The following SERPINB6 variants were observed in gnomAD, a reference collection of about 807,000 sequenced individuals.
SERPINB6 encodes the protein serpin family B member 6.
SERPINB6 carries 16 observed loss-of-function variants against 26.1 expected under a neutral mutation model. That is an observed-to-expected ratio of 0.61 (90% confidence interval 0.42 to 0.93). The LOEUF is 0.93. Among genes scored for constraint, SERPINB6 ranks in the 40% least tolerant of loss-of-function variants. The pLI, the probability that SERPINB6 is intolerant of heterozygous loss-of-function variation, is 0.00. For synonymous variants in SERPINB6, 174 were observed against 176.6 expected (o/e 0.99, Z 0.11); for missense variants, 420 against 478.0 (o/e 0.88, Z 1.13).
chr6:2,951,334 C>T (rs1450570439), intron 5 of SERPINB6, among the ~76,000 whole-genome samples: 13 of 150,854 alleles, frequency 8.6e-5, no homozygotes, highest in African/African-American at 3.2e-4. Flanking sequence ...TGCAGTGTTC[C>T]GAGATGGCAC....
chr6:2,958,606 C>A (rs933987372), intron 2 of SERPINB6, among the ~76,000 whole-genome samples: 1 of 152,134 alleles, frequency 6.6e-6, no homozygotes, highest in Non-Finnish European at 1.5e-5. Context: ...GCCCAGCGCC[C>A]CGCTGAGCCC....
intron 3 of SERPINB6, chr6:2,955,200 A>C (rs1581245555): frequency 3.3e-6 from 1 of 300,234 alleles, no homozygotes; most frequent in Non-Finnish European, 6.3e-6. Flanking sequence ...AAAAAAAAAA[A>C]AACAAAAAAA....
At chr6:2,965,077 G>C (rs1484300192) in intron 1 of SERPINB6, among the ~76,000 whole-genome samples, 1 of 152,210 alleles carries the variant, frequency 6.6e-6, no homozygotes, top group African/African-American at 2.4e-5. Flanking sequence ...TCACTAAATA[G>C]CATTCGATGC....
At chr6:2,963,379 T>C (rs1320214942) in intron 1 of SERPINB6, 1 of 152,256 alleles carries the variant, frequency 6.6e-6, no homozygotes, top group African/African-American at 2.4e-5. Flanking sequence ...AAATCGGGCC[T>C]TAGCTCTTTA....
At chr6:2,963,487 T>G (rs1771335182) in intron 1 of SERPINB6, 1 of 152,278 alleles carries the variant, frequency 6.6e-6, no homozygotes, top group Non-Finnish European at 1.5e-5. Context: ...AACACCATGG[T>G]GCACAGCCTT....
At position 2,948,166 on chromosome 6, in the gene SERPINB6, G is replaced by T; in HGVS notation, c.*132C>A. ...ACACACAAACACACGGAGTGAATGCGGCATCCCACAAATGGGCCCTTTATT... is the reference window on the plus strand; with the variant it reads ...ACACACAAACACACGGAGTGAATGCTGCATCCCACAAATGGGCCCTTTATT... On this transcript the variant is annotated 3_prime_UTR_variant, in exon 7 of 7. Transcript: ENST00000380539. This position sits in a 1 kb window ranked among gnomAD's most constrained non-coding sequence, Gnocchi z 5.0. The T allele has an allele frequency of 4.1e-6, 4 of 970,676 alleles. No individual in the cohort carries two copies. The Admixed American group carries it at 5.4e-5, about 13-fold the overall frequency. 60.1% of individuals were successfully genotyped at this position (970,676 alleles called of 1,614,324 possible).
At chr6:2,952,923 A>G in intron 5 of SERPINB6, 121 bp downstream of exon 5, 1 of 1,438,100 alleles carries the variant, frequency 7.0e-7, no homozygotes, top group Non-Finnish European at 9.6e-7. Flanking sequence ...GAGGCCACCC[A>G]ATGGATGTCA....
intron 1 of SERPINB6, chr6:2,968,405 G>C (rs926008125): frequency 2.5e-6 from 2 of 798,770 alleles, no homozygotes; most frequent in African/African-American, 3.8e-5. Context: ...TGCGACATGA[G>C]TTTACCTATG....
rs552971103 is a variant in SERPINB6 at position 2,948,188 on chromosome 6, T to A, written c.*110A>T. 8 of 1,265,640 alleles carry A rather than the reference T, an allele frequency of 6.3e-6. No individual in the cohort carries two copies. Among genetic ancestry groups the A allele is most frequent in the Non-Finnish European group, 9.2e-6 (8 of 869,006 alleles). 78.4% of individuals were successfully genotyped at this position (1,265,640 alleles called of 1,614,324 possible). A position where few individuals can be genotyped will look rare whatever the true frequency, so the allele number is the denominator to read the frequency against. On this transcript the variant is annotated 3_prime_UTR_variant, in exon 7 of 7. Transcript: ENST00000380539. This position sits in a 1 kb window ranked among gnomAD's most constrained non-coding sequence, Gnocchi z 5.0. The stretch of plus-strand genomic sequence containing the variant: ...TGCGGCATCCCACAAATGGGCCCTT[T>A]ATTTCTGAACTGCCACCACTGCACG...
At chr6:2,959,450 A>G (rs1770864169) in intron 1 of SERPINB6, 108 bp from the exon 2 acceptor site, 2 of 1,036,002 alleles carry the variant, frequency 1.9e-6, no homozygotes, top group Non-Finnish European at 3.0e-6. Flanking sequence ...GTGGGCAAGC[A>G]GAAACACACA....
intron 1 of SERPINB6, chr6:2,968,484 C>G: frequency 9.4e-7 from 1 of 1,068,454 alleles, no homozygotes; most frequent in African/African-American, 1.7e-5. Context: ...AAGAAGAAAT[C>G]ATATAAATGA....
Position 2,948,861 on chromosome 6 carries a change from A to C in SERPINB6, c.729+53T>G, listed in dbSNP as rs1427026339. ...AAAGTAGGGACAGCAGCCACAGCAG[A>C]CACCCCCGAGTGGCTCCTTGCTAGC... On this transcript the variant is annotated intron_variant, in intron 6 of 6. Transcript: ENST00000380539. This position sits in a 1 kb window ranked among gnomAD's most constrained non-coding sequence, Gnocchi z 5.0. 1.2e-6 allele frequency: 2 copies of C among 1,610,296 alleles called. No homozygotes were observed. Among genetic ancestry groups the C allele is most frequent in the Non-Finnish European group, 1.7e-6 (2 of 1,177,188 alleles).
intron 5 of SERPINB6, 103 bp from the exon 6 acceptor site, chr6:2,949,172 G>A (rs965290089): frequency 1.5e-5 from 19 of 1,289,198 alleles, no homozygotes; most frequent in Admixed American, 3.9e-5. Context: ...AACGCAGCTC[G>A]GTTTCTCCCC....
intron 1 of SERPINB6, chr6:2,968,877 A>G (rs1442805503): frequency 8.1e-7 from 1 of 1,230,492 alleles, no homozygotes; most frequent in Non-Finnish European, 1.0e-6. Context: ...GGAACCAGCA[A>G]ATGGGAGAAC....
intron 4 of SERPINB6, among the ~76,000 whole-genome samples, chr6:2,954,121 A>G (rs543915725): frequency 4.4e-4 from 66 of 151,400 alleles, no homozygotes; most frequent in African/African-American, 1.5e-3. Context: ...TTGTCTCAAA[A>G]AAAAAAAAAA....
chr6:2,955,042 T>C (rs1770270490), intron 3 of SERPINB6: 1 of 312,266 alleles, frequency 3.2e-6, no homozygotes, highest in Non-Finnish European at 6.1e-6. Flanking sequence ...ATACAAAAAT[T>C]AGCCATGTAT....
chr6:2,970,551 C>A (rs1772045793), intron 1 of SERPINB6: 1 of 1,201,106 alleles, frequency 8.3e-7, no homozygotes, highest in African/African-American at 1.6e-5. Flanking sequence ...TGACCCCCAC[C>A]AGAAAGGATG....
In SERPINB6 at chr6:2,948,523, G is replaced by GAAGT; in HGVS notation, c.902_905dup (p.Phe302LeufsTer25). On this transcript the variant is annotated frameshift_variant, in exon 7 of 7. Transcript: ENST00000380539. LOFTEE classifies it low-confidence loss of function (END_TRUNC). This position sits in a 1 kb window ranked among gnomAD's most constrained non-coding sequence, Gnocchi z 5.0. The stretch of plus-strand genomic sequence containing the variant: ...ACAGGTCTGTCTGGGACATTCCAGA[G>GAAGT]AAGTCTGCCTTGCCCAGCTCGAAGG... 1 of 1,614,174 alleles carries GAAGT rather than the reference G, an allele frequency of 6.2e-7. No individual in the cohort carries two copies. Among genetic ancestry groups the GAAGT allele is most frequent in the Non-Finnish European group, 8.5e-7 (1 of 1,180,028 alleles).
chr6:2,962,101 G>C, intron 1 of SERPINB6: 1 of 985,364 alleles, frequency 1.0e-6, no homozygotes, highest in Non-Finnish European at 1.2e-6. Flanking sequence ...GTAATATCCC[G>C]GAGAATCTGT....
Sources: allele counts gnomAD v4.1 joint callset (sites outside exome capture counted in the v4.1 genomes callset), GRCh38; gene constraint gnomAD v4.1.1; non-coding constraint Gnocchi (gnomAD v3.1); transcripts MANE v1.5; gene names NCBI Gene and HGNC (gene_info 2026-07-23, HGNC 2026-07-21).